Variants in FLACC1 observed in about 807,000 individuals in gnomAD.
FLACC1 encodes flagellum associated containing coiled-coil domains 1, also known as flagellum-associated coiled-coil domain-containing protein 1.
Under a neutral mutation model 62.8 loss-of-function variants are expected in FLACC1, and 66 were observed. That is an observed-to-expected ratio of 1.05 (90% CI 0.86 to 1.29). FLACC1 has a LOEUF of 1.29. Ranked by LOEUF, FLACC1 falls within the 50% of genes most tolerant of loss-of-function variation. FLACC1 has a pLI of 0.00. For synonymous variants in FLACC1, 156 were observed against 161.0 expected (o/e 0.97, Z 0.24); for missense variants, 452 against 489.1 (o/e 0.92, Z 0.71).
chr2:201,289,829 T>C, intron 12 of FLACC1, 44 bp from the exon 13 acceptor site: 1 of 1,614,002 alleles, frequency 6.2e-7, no homozygotes, highest in Non-Finnish European at 8.5e-7. Flanking sequence ...CCAATGTCTA[T>C]TTATTTGGTC....
intron 9 of FLACC1, among the ~76,000 whole-genome samples, chr2:201,329,539 A>T (rs1254691736): frequency 6.6e-6 from 1 of 152,226 alleles, no homozygotes. Context: ...CATGGAATCA[A>T]CCTAAGTACC....
At chr2:201,294,280 C>T (rs1346584784) in intron 12 of FLACC1, among the ~76,000 whole-genome samples, 1 of 152,194 alleles carries the variant, frequency 6.6e-6, no homozygotes, top group Non-Finnish European at 1.5e-5. Flanking sequence ...CAATAAAATA[C>T]TGGCAAACCA....
At chr2:201,313,720 T>C (rs1181844063) in intron 9 of FLACC1, among the ~76,000 whole-genome samples, 3 of 152,094 alleles carry the variant, frequency 2.0e-5, no homozygotes, top group African/African-American at 4.8e-5. Context: ...GCTGATGCTG[T>C]CTTGAAAGCA....
chr2:201,308,380 T>C (rs1950148639), intron 10 of FLACC1, among the ~76,000 whole-genome samples: 2 of 152,214 alleles, frequency 1.3e-5, no homozygotes, highest in Non-Finnish European at 2.9e-5. Context: ...GGGGTCTTCA[T>C]ATTACCTTCT....
chr2:201,342,527 C>A (rs774779197), intron 6 of FLACC1, 96 bp from the exon 7 acceptor site: 56 of 1,248,106 alleles, frequency 4.5e-5, no homozygotes, highest in Non-Finnish European at 5.8e-5. Context: ...TGGGGCACAG[C>A]CGCCTTCCAA....
chr2:201,328,974 G>A (rs1294217487), intron 9 of FLACC1, among the ~76,000 whole-genome samples: 1 of 151,908 alleles, frequency 6.6e-6, no homozygotes, highest in Non-Finnish European at 1.5e-5. Flanking sequence ...TTTGACAAAC[G>A]GATAGTTACG....
intron 9 of FLACC1, among the ~76,000 whole-genome samples, chr2:201,310,473 A>G (rs1950197430): frequency 6.6e-6 from 1 of 152,272 alleles, no homozygotes; most frequent in East Asian, 1.9e-4. Context: ...GTTGGTCACT[A>G]TACTTCACAA....
At chr2:201,330,280 T>C (rs1407301819) in intron 9 of FLACC1, among the ~76,000 whole-genome samples, 190 bp downstream of exon 9, 1 of 152,186 alleles carries the variant, frequency 6.6e-6, no homozygotes, top group Non-Finnish European at 1.5e-5. Flanking sequence ...AGGATTTGGG[T>C]GCCTGACTTG....
At chr2:201,322,122 A>G (rs574128914) in intron 9 of FLACC1, among the ~76,000 whole-genome samples, 23 of 152,130 alleles carry the variant, frequency 1.5e-4, no homozygotes, top group Non-Finnish European at 2.8e-4. Context: ...TACAAAAATT[A>G]GTTGGGTGTG....
At chr2:201,308,099 G>C (rs1449546885) in intron 10 of FLACC1, among the ~76,000 whole-genome samples, 1 of 152,148 alleles carries the variant, frequency 6.6e-6, no homozygotes, top group Non-Finnish European at 1.5e-5. Context: ...GAGGGGTGGA[G>C]GGAAACACAG....
intron 5 of FLACC1, 51 bp from the exon 6 acceptor site, chr2:201,344,314 C>A: frequency 6.9e-7 from 1 of 1,456,636 alleles, no homozygotes; most frequent in South Asian, 1.1e-5. Flanking sequence ...CATTCCATGC[C>A]ATTCAGGCCC....
chr2:201,336,865 TTG>T (rs1390064919), intron 7 of FLACC1, among the ~76,000 whole-genome samples: 1 of 152,230 alleles, frequency 6.6e-6, no homozygotes, highest in Non-Finnish European at 1.5e-5. Flanking sequence ...TGATATCTTA[TTG>T]TGTTTTTGCT....
In FLACC1 at chr2:201,307,525, C is replaced by T. The variant is rs771595017; in HGVS notation, c.873G>A (p.Glu291=). ...CSAVFENFIQ[E]KEELLKQHQS... ...GTGCTTTGGGCTGAGTTACCTCCTTCTCTTGAATGAAGTTCTCAAAGACAG... is the reference window on the plus strand; with the variant it reads ...GTGCTTTGGGCTGAGTTACCTCCTTTTCTTGAATGAAGTTCTCAAAGACAG... Residue 291 remains glutamate (E), a synonymous_variant, in exon 11 of 15, where the codon GAG becomes GAA. Transcript: ENST00000392257. The T allele has an allele frequency of 6.2e-6, 10 of 1,613,640 alleles. No individual in the cohort carries two copies. In the East Asian group the frequency reaches 2.0e-4, roughly 32 times the overall value.
rs1951133782 is a variant in FLACC1 at position 201,357,196 on chromosome 2, A to G, written c.-262T>C. The G allele has an allele frequency of 6.6e-6, 1 of 152,260 alleles. No homozygotes were observed. Among genetic ancestry groups the G allele is most frequent in the Non-Finnish European group, 1.5e-5 (1 of 68,048 alleles). 9.4% of individuals were successfully genotyped at this position (152,260 alleles called of 1,614,324 possible). A position where few individuals can be genotyped will look rare whatever the true frequency, so the allele number is the denominator to read the frequency against. The stretch of plus-strand genomic sequence containing the variant: ...GGAAGACAGACTTCTAGTGAATCCA[A>G]TCAAAGGCTTTTACAAAGGCTGGCC... On this transcript the variant is annotated 5_prime_UTR_variant, in exon 1 of 15. Coordinates refer to ENST00000392257, the MANE Select transcript of FLACC1 (RefSeq NM_001127391.3).
upstream of FLACC1, among the ~76,000 whole-genome samples, chr2:201,357,803 AT>A (rs5837769): frequency 0.63 from 95,280 of 150,556 alleles, 30,577 homozygotes; most frequent in South Asian, 0.79. Context: ...AGGTTTTCCG[AT>A]TTTTTTTTTT....
At chr2:201,361,679 A>T (rs1473126540), upstream of FLACC1, among the ~76,000 whole-genome samples, 1 of 152,196 alleles carries the variant, frequency 6.6e-6, no homozygotes, top group Non-Finnish European at 1.5e-5. Flanking sequence ...ACAGCCATAG[A>T]AGTGGTAGTG....
At position 201,288,837 on chromosome 2, in the gene FLACC1, A is replaced by T. The variant is rs1949655267; in HGVS notation, c.1143-56T>A. 5.0e-6 allele frequency: 8 copies of T among 1,591,220 alleles called. No homozygotes were observed. In the South Asian group the frequency reaches 8.9e-5, roughly 18 times the overall value. On this transcript the variant is annotated intron_variant, in intron 14 of 14. Coordinates refer to ENST00000392257, the MANE Select transcript of FLACC1 (RefSeq NM_001127391.3). ...TCAACTCAAAAGCTAGAAAGGGTAT[A>T]GGATATTTGGAGTGCAGGGAGAGAA...
chr2:201,295,746 T>G (rs921868861), intron 12 of FLACC1, among the ~76,000 whole-genome samples: 1 of 152,122 alleles, frequency 6.6e-6, no homozygotes, highest in African/African-American at 2.4e-5. Context: ...GAGAGAAAAT[T>G]TTTGCAACCT....
intron 12 of FLACC1, 91 bp from the exon 13 acceptor site, chr2:201,289,876 C>T: frequency 6.2e-7 from 1 of 1,601,960 alleles, no homozygotes; most frequent in Non-Finnish European, 8.5e-7. Context: ...TGAAAGGGAG[C>T]AACCTGAGCT....
Sources: gnomAD v4.1 joint callset for allele counts (sites outside exome capture counted in the v4.1 genomes callset) on GRCh38, gnomAD v4.1.1 for gene constraint, MANE v1.5 for transcripts, NCBI Gene and HGNC (gene_info 2026-07-23, HGNC 2026-07-21) for gene names.